ACAP3: variants seen among roughly 807,000 people sequenced by gnomAD.
The protein encoded by ACAP3 is arf-GAP with coiled-coil, ANK repeat and PH domain-containing protein 3.
A neutral mutation model predicts 104.1 loss-of-function variants in ACAP3; 56 were observed. The ratio of observed to expected loss-of-function variants is 0.54; its 90% CI spans 0.43 to 0.67. ACAP3 has a LOEUF of 0.67. ACAP3 is among the 30% of genes least tolerant of loss of function. The pLI is 0.00. For missense variants in ACAP3, 1,208 were observed against 1,174.9 expected (o/e 1.03, Z -0.41); for synonymous variants, 628 against 496.2 (o/e 1.27, Z -3.53).
chr1:1,302,340 G>A (rs369311196), intron 4 of ACAP3, among the ~76,000 whole-genome samples: 3 of 152,260 alleles, frequency 2.0e-5, no homozygotes, highest in African/African-American at 7.2e-5. Flanking sequence ...CTGGCCCTGG[G>A]CGGCCACCCT....
In ACAP3 at chr1:1,293,553, C is replaced by A; in HGVS notation, c.*11G>T. 6.8e-7 allele frequency: 1 copy of A among 1,462,514 alleles called. No individual in the cohort carries two copies. The highest frequency in any genetic ancestry group is 9.0e-7 in the Non-Finnish European group (1 of 1,112,844). The allele number at this position is 1,462,514 out of a possible 1,614,324, so 90.6% of individuals were successfully genotyped here. A position where few individuals can be genotyped will look rare whatever the true frequency, so the allele number is the denominator to read the frequency against. On this transcript the variant is annotated 3_prime_UTR_variant, in exon 24 of 24. Coordinates refer to ENST00000354700, the MANE Select transcript of ACAP3 (RefSeq NM_030649.3). ...GCCGGGCGGGGTGGCAGCTGCCCGG[C>A]CTGCCCGGCCCTAGCTCTCTTCCAG...
At chr1:1,299,023 C>A in intron 10 of ACAP3, 1 of 556,450 alleles carries the variant, frequency 1.8e-6, no homozygotes, top group Non-Finnish European at 3.2e-6. Flanking sequence ...GCCAGCTGGG[C>A]GGACAGAGCC....
rs1220393153 is a variant in ACAP3 at position 1,293,537 on chromosome 1, G to T, written c.*27C>A. The T allele has an allele frequency of 1.7e-5, 25 of 1,444,662 alleles. No individual in the cohort carries two copies. In the East Asian group the frequency reaches 2.8e-4, roughly 16 times the overall value. The allele number at this position is 1,444,662 out of a possible 1,614,324, so 89.5% of individuals were successfully genotyped here. A position where few individuals can be genotyped will look rare whatever the true frequency, so the allele number is the denominator to read the frequency against. On this transcript the variant is annotated 3_prime_UTR_variant, in exon 24 of 24. Coordinates refer to ENST00000354700, the MANE Select transcript of ACAP3 (RefSeq NM_030649.3). ...GCATGCGGGGCGTCGGGCCGGGCGG[G>T]GTGGCAGCTGCCCGGCCTGCCCGGC...
Position 1,302,961 on chromosome 1 carries a change from C to T in ACAP3, c.240G>A (p.Arg80=), listed in dbSNP as rs757317063. The T allele has an allele frequency of 1.2e-5, 19 of 1,611,388 alleles. No individual in the cohort carries two copies. The highest frequency in any genetic ancestry group is 1.5e-5 in the Non-Finnish European group (18 of 1,179,264). Residue 80 remains arginine (R), a synonymous_variant, in exon 4 of 24, where the codon AGG becomes AGA. Transcript: ENST00000354700. ...CCACCTCCTGTAGGCTGTCAGCGAA[C>T]CTCTGCAGACATTCCTGGAGGAGCA... ...GDTVISECLQ[R]FADSLQEVVN...
At chr1:1,295,644 G>A (rs1641099392) in intron 18 of ACAP3, 90 bp from the exon 19 acceptor site, 2 of 1,556,534 alleles carry the variant, frequency 1.3e-6, no homozygotes, top group Non-Finnish European at 1.7e-6. Flanking sequence ...GGAGCCTGAG[G>A]TGCCCCCAGA....
At chr1:1,294,247 C>T in intron 21 of ACAP3, 48 bp from the exon 22 acceptor site, 1 of 1,538,522 alleles carries the variant, frequency 6.5e-7, no homozygotes, top group South Asian at 1.2e-5. Flanking sequence ...CGGCCCCTCT[C>T]CGCGCCTCTG....
intron 1 of ACAP3, among the ~76,000 whole-genome samples, chr1:1,306,791 T>G (rs1056988859): frequency 5.3e-5 from 8 of 152,238 alleles, no homozygotes; most frequent in African/African-American, 1.9e-4. Flanking sequence ...CGCATCAACA[T>G]GTGTACCTAG....
intron 9 of ACAP3, 154 bp from the exon 10 acceptor site, chr1:1,299,510 C>T (rs1404338011): frequency 3.1e-6 from 3 of 971,690 alleles, no homozygotes; most frequent in South Asian, 3.6e-5. Flanking sequence ...AATAGCCACT[C>T]CTGCCTGCAG....
At chr1:1,295,043 G>T in intron 19 of ACAP3, 1 of 573,474 alleles carries the variant, frequency 1.7e-6, no homozygotes, top group African/African-American at 1.9e-5. Flanking sequence ...CAGGCCTTTT[G>T]GGAAGCCCTT....
intron 1 of ACAP3, chr1:1,304,969 G>C (rs1260702619): frequency 6.6e-6 from 1 of 152,360 alleles, no homozygotes; most frequent in African/African-American, 2.4e-5. Flanking sequence ...GCCTCCTGGG[G>C]ATTGGGCACC....
rs1411596648 is a variant in ACAP3, at chr1:1,296,128, A to G, written c.1408-19T>C. The G allele has an allele frequency of 6.8e-6, 11 of 1,612,256 alleles. No individual in the cohort carries two copies. The highest frequency in any genetic ancestry group is 9.3e-6 in the Non-Finnish European group (11 of 1,179,836). The stretch of plus-strand genomic sequence containing the variant: ...ACATCAGCTAGCGGGAGACAGGGCG[A>G]GCAGGCATCAGTGCGAACCTGCAGA... On this transcript the variant is annotated intron_variant, in intron 16 of 23. Transcript: ENST00000354700.
At chr1:1,307,560 G>A (rs898113637) in intron 1 of ACAP3, among the ~76,000 whole-genome samples, 4 of 152,172 alleles carry the variant, frequency 2.6e-5, no homozygotes, top group Non-Finnish European at 5.9e-5. Flanking sequence ...CCCTCCACCC[G>A]GGGCGGCCGC....
chr1:1,302,128 G>A, intron 4 of ACAP3, 82 bp from the exon 5 acceptor site: 2 of 1,253,220 alleles, frequency 1.6e-6, no homozygotes, highest in East Asian at 5.5e-5. Flanking sequence ...ACCAGCAGAG[G>A]GCACTGCCCC....
intron 5 of ACAP3, among the ~76,000 whole-genome samples, chr1:1,301,199 T>C: frequency 6.6e-6 from 1 of 151,418 alleles, no homozygotes; most frequent in East Asian, 2.0e-4. Context: ...GCCTCCCAAG[T>C]AGCTGAGGCT....
rs551007599 is a variant in ACAP3 at position 1,307,032 on chromosome 1, CGAG to C, written c.47+734_47+736del. On this transcript the variant is annotated intron_variant, in intron 1 of 23. Coordinates refer to ENST00000354700, the MANE Select transcript of ACAP3 (RefSeq NM_030649.3). ...AAAGTTCACAAGAGCGCACCCCGCA[CGAG>C]CTCGTGCAGAGGAGGGGGCCTCACG... is the stretch of plus-strand genomic sequence containing the variant. 5.6e-4 allele frequency: 316 copies of C among 566,826 alleles called. 1 individual carries two copies. The African/African-American group carries it at 5.7e-3, about 10-fold the overall frequency. 35.1% of individuals were successfully genotyped at this position (566,826 alleles called of 1,614,324 possible). A position where few individuals can be genotyped will look rare whatever the true frequency, so the allele number is the denominator to read the frequency against.
In ACAP3 at chr1:1,303,226, C is replaced by T. The variant is rs1367091031; in HGVS notation, c.161G>A (p.Ser54Asn). The T allele has an allele frequency of 3.1e-6, 5 of 1,606,778 alleles. No homozygotes were observed. In the Admixed American group the frequency reaches 8.4e-5, roughly 27 times the overall value. Residue 54 changes from serine (S) to asparagine (N), a missense_variant, in exon 3 of 24, where the codon AGC (serine) becomes AAC (asparagine). By Grantham distance (46) the Ser-to-Asn change is conservative. Coordinates refer to ENST00000354700, the MANE Select transcript of ACAP3 (RefSeq NM_030649.3). This position sits in a 1 kb window ranked among gnomAD's most constrained non-coding sequence, Gnocchi z 4.0. ...GCGGACGCCGCTCACGAAAAGCCTG[C>T]TGGTGCTGACGTAGGCCTTACCGGC... is the stretch of plus-strand genomic sequence containing the variant. ...VEAGKAYVST[S>N]RLFVSGVRDL...
In ACAP3 at chr1:1,293,676, C is replaced by T; in HGVS notation, c.2393G>A (p.Arg798His). Residue 798 changes from arginine to histidine, a missense_variant, in exon 24 of 24, where the codon CGC becomes CAC. Arg to His is a conservative substitution (Grantham distance 29). Transcript: ENST00000354700. ...LRLARMAEEM[R>H]EAEAAPGPPG... The stretch of plus-strand genomic sequence containing the variant: ...GGGACCAGGGGCAGCCTCGGCCTCG[C>T]GCATTTCCTCCGCCATGCGCGCCAG... 2.1e-6 allele frequency: 3 copies of T among 1,453,702 alleles called. No homozygotes were observed. Among genetic ancestry groups the T allele is most frequent in the Non-Finnish European group, 2.7e-6 (3 of 1,110,678 alleles). The allele number at this position is 1,453,702 out of a possible 1,614,324, so 90.1% of individuals were successfully genotyped here.
At position 1,302,934 on chromosome 1, in the gene ACAP3, C is replaced by T; in HGVS notation, c.267G>A (p.Val89=). The T allele has an allele frequency of 6.2e-7, 1 of 1,611,646 alleles. No homozygotes were observed. The highest frequency in any genetic ancestry group is 1.7e-4 in the Middle Eastern group (1 of 6,028). ...QRFADSLQEV[V]NYHMILFDQA... is the part of the protein sequence containing the mutation. ...AGGCCGCGCTCACCATGTGGTAGTT[C>T]ACCACCTCCTGTAGGCTGTCAGCGA... The change falls in exon 4 of 24, where the codon GTG becomes GTA. Residue 89 remains valine, a synonymous_variant. Transcript: ENST00000354700.
intron 1 of ACAP3, chr1:1,304,375 G>C: frequency 1.7e-6 from 1 of 602,064 alleles, no homozygotes; most frequent in Admixed American, 2.9e-5. Flanking sequence ...TGCCCTCGGG[G>C]AAGAAGGCTG....
Sources: gnomAD v4.1 joint callset for allele counts (sites outside exome capture counted in the v4.1 genomes callset) on GRCh38, gnomAD v4.1.1 for gene constraint, Gnocchi (gnomAD v3.1) non-coding constraint, MANE v1.5 for transcripts, NCBI Gene and HGNC (gene_info 2026-07-23, HGNC 2026-07-21) for gene names.